KIF24: variants seen among roughly 807,000 people sequenced by gnomAD.
KIF24 encodes kinesin-like protein KIF24.
Under a neutral mutation model 118.9 loss-of-function variants are expected in KIF24, and 81 were observed. The ratio of observed to expected loss-of-function variants is 0.68; its 90% CI spans 0.57 to 0.82. KIF24 has a LOEUF of 0.82. KIF24 is among the 40% of genes least tolerant of loss of function. The pLI is 0.00. For missense variants in KIF24, 1,560 were observed against 1,661.6 expected (o/e 0.94, Z 1.06); for synonymous variants, 599 against 610.0 (o/e 0.98, Z 0.27).
intron 8 of KIF24, among the ~76,000 whole-genome samples, chr9:34,268,407 C>T (rs771671056): frequency 7.9e-5 from 12 of 152,028 alleles, no homozygotes; most frequent in Non-Finnish European, 1.5e-4. Context: ...CCACCTGCCT[C>T]GGCCTCCAAA....
chr9:34,312,732 T>C (rs1837209505), intron 1 of KIF24, among the ~76,000 whole-genome samples: 1 of 152,164 alleles, frequency 6.6e-6, no homozygotes, highest in Non-Finnish European at 1.5e-5. Flanking sequence ...GGAGTTTCAC[T>C]CTGTTGCCCA....
At chr9:34,287,271 GTCC>G (rs1304190503) in intron 5 of KIF24, among the ~76,000 whole-genome samples, 4 of 152,210 alleles carry the variant, frequency 2.6e-5, no homozygotes, top group Non-Finnish European at 5.9e-5. Context: ...AAGCCTGACT[GTCC>G]TCTAAGCTTT....
In KIF24 at chr9:34,319,225, C is replaced by T. The variant is rs148255919; in HGVS notation, c.-25-7854G>A. ...GCCTCATCATCCTCATGCCCCACCA[C>T]GTGGAGCCCCTCGAGGCCTTAAAAA... On this transcript the variant is annotated intron_variant, in intron 1 of 12. Transcript: ENST00000402558. The T allele has an allele frequency of 5.1e-5, 79 of 1,542,024 alleles. No individual in the cohort carries two copies. In the African/African-American group the frequency reaches 7.7e-4, roughly 15 times the overall value.
rs971479003 is a variant in KIF24 at position 34,318,452 on chromosome 9, T to C, written c.-25-7081A>G. 2.7e-6 allele frequency: 2 copies of C among 730,610 alleles called. No individual in the cohort carries two copies. The highest frequency in any genetic ancestry group is 3.4e-5 in the African/African-American group (2 of 58,184). The allele number at this position is 730,610 out of a possible 1,614,324, so 45.3% of individuals were successfully genotyped here. A position where few individuals can be genotyped will look rare whatever the true frequency, so the allele number is the denominator to read the frequency against. Reference sequence around the variant, plus strand: ...CGCCTTCTGCCTCCTGGCGGTGGCCTTGGCGACCGAGGTGAAGAAACCTGC... The same window carrying C: ...CGCCTTCTGCCTCCTGGCGGTGGCCCTGGCGACCGAGGTGAAGAAACCTGC... On this transcript the variant is annotated intron_variant, in intron 1 of 12. Coordinates refer to ENST00000402558, the MANE Select transcript of KIF24 (RefSeq NM_194313.4). The surrounding 1 kb of genome is among the most constrained non-coding windows in gnomAD (Gnocchi z 4.9).
chr9:34,293,540 C>T (rs1442154520), intron 4 of KIF24, among the ~76,000 whole-genome samples: 10 of 149,614 alleles, frequency 6.7e-5, no homozygotes, highest in Admixed American at 6.0e-4. Context: ...TTTGGGAGGC[C>T]GAGGCAGGTG....
rs569127990 is a variant in KIF24, at chr9:34,310,775, C to G, written c.572G>C (p.Arg191Thr). ...LGDCDIPIIQRISHVSGYNYG... is the reference protein window; with the variant it reads ...LGDCDIPIIQTISHVSGYNYG... ...GTTATACCCTGAAACATGAGAGATT[C>G]TTTGAATAATGGGAATATCACAATC... The change falls in exon 2 of 13, where the codon AGA (arginine) becomes ACA (threonine). Residue 191 changes from arginine to threonine, a missense_variant. Transcript: ENST00000402558. 6.2e-7 allele frequency: 1 copy of G among 1,610,946 alleles called. No individual in the cohort carries two copies. Among genetic ancestry groups the G allele is most frequent in the Admixed American group, 1.7e-5 (1 of 59,806 alleles).
chr9:34,287,210 A>G (rs1037254322), intron 5 of KIF24, among the ~76,000 whole-genome samples: 9 of 152,226 alleles, frequency 5.9e-5, no homozygotes, highest in Non-Finnish European at 1.0e-4. Context: ...AGAGATGCAA[A>G]TAAACTGGGT....
chr9:34,292,183 C>T (rs1294832401), intron 4 of KIF24, among the ~76,000 whole-genome samples: 1 of 152,094 alleles, frequency 6.6e-6, no homozygotes, highest in Non-Finnish European at 1.5e-5. Context: ...GTTCACTGGG[C>T]CAGGTGAAAC....
At chr9:34,275,428 C>T (rs1443508313) in intron 6 of KIF24, among the ~76,000 whole-genome samples, 1 of 151,890 alleles carries the variant, frequency 6.6e-6, no homozygotes, top group Non-Finnish European at 1.5e-5. Context: ...TGAGGCCAGG[C>T]CTGGTGGCTT....
intron 1 of KIF24, among the ~76,000 whole-genome samples, chr9:34,317,381 C>G (rs899327943): frequency 6.9e-6 from 1 of 144,472 alleles, no homozygotes; most frequent in Non-Finnish European, 1.6e-5. Context: ...CAGAAGGAGA[C>G]TGTCTTAAAA....
chr9:34,268,327 C>T (rs1835370035), intron 8 of KIF24, among the ~76,000 whole-genome samples: 1 of 151,722 alleles, frequency 6.6e-6, no homozygotes, highest in African/African-American at 2.4e-5. Flanking sequence ...CCATGCCCAA[C>T]TAATTTTTGG....
intron 1 of KIF24, among the ~76,000 whole-genome samples, chr9:34,326,560 T>C (rs1029823695): frequency 6.6e-6 from 1 of 152,164 alleles, no homozygotes; most frequent in Non-Finnish European, 1.5e-5. Context: ...AGGTGAAACC[T>C]GAAATAACAT....
intron 4 of KIF24, among the ~76,000 whole-genome samples, chr9:34,295,845 A>T (rs1435371589): frequency 2.0e-5 from 3 of 152,010 alleles, no homozygotes; most frequent in Non-Finnish European, 4.4e-5. Context: ...GCCCATGCCT[A>T]TATTTTAAAT....
intron 1 of KIF24, among the ~76,000 whole-genome samples, chr9:34,312,666 C>T (rs928973063): frequency 1.3e-5 from 2 of 152,164 alleles, no homozygotes; most frequent in African/African-American, 2.4e-5. Context: ...GGCTGAGTAA[C>T]ACATCCTAAA....
chr9:34,310,796 C>T lies in KIF24; in HGVS notation c.551G>A (p.Cys184Tyr). 6.2e-7 allele frequency: 1 copy of T among 1,611,580 alleles called. No individual in the cohort carries two copies. The highest frequency in any genetic ancestry group is 8.5e-7 in the Non-Finnish European group (1 of 1,177,716). Residue 184 changes from cysteine to tyrosine, a missense_variant, in exon 2 of 13, where the codon TGT becomes TAT. Physicochemically the swap from Cys to Tyr is radical, Grantham distance 194. This residue lies in a region of KIF24 where 964 missense variants were observed against 988.0 expected (regional missense o/e 0.98). Transcript: ENST00000402558. ...GATTCTTTGAATAATGGGAATATCA[C>T]AATCCCCCAGTATTGCAGAAAGGTA... The part of the protein sequence containing the change: ...PNYLSAILGD[C>Y]DIPIIQRISH...
chr9:34,311,698 G>GTGTATATGTATATATATACGTATATA (rs1837161517), intron 1 of KIF24, among the ~76,000 whole-genome samples: 1 of 140,914 alleles, frequency 7.1e-6, no homozygotes, highest in Admixed American at 7.4e-5. Flanking sequence ...ACGTATATAT[G>GTGTATATGTATATATATACGTATATA]TACATATATA....
chr9:34,256,588 G>A lies in KIF24; in HGVS notation c.3019C>T (p.Pro1007Ser), dbSNP rs1834854974. The A allele has an allele frequency of 6.2e-7, 1 of 1,614,002 alleles. No individual in the cohort carries two copies. The highest frequency in any genetic ancestry group is 8.5e-7 in the Non-Finnish European group (1 of 1,179,904). The change falls in exon 11 of 13, where the codon CCT becomes TCT. Residue 1007 changes from proline (P) to serine (S), a missense_variant. Coordinates refer to ENST00000402558, the MANE Select transcript of KIF24 (RefSeq NM_194313.4). ...SPDQRDTVTTPLREVSADGPI... is the reference protein window; with the variant it reads ...SPDQRDTVTTSLREVSADGPI... ...CCGTCTGCACTGACTTCTCTCAGAG[G>A]TGTGGTGACTGTGTCTCTTTGGTCT...
chr9:34,288,874 A>G (rs1836149761), intron 5 of KIF24, among the ~76,000 whole-genome samples: 1 of 151,462 alleles, frequency 6.6e-6, no homozygotes, highest in Non-Finnish European at 1.5e-5. Context: ...ACACACACAC[A>G]CACACACACA....
At chr9:34,320,258 G>A (rs1390588249) in intron 1 of KIF24, among the ~76,000 whole-genome samples, 1 of 151,472 alleles carries the variant, frequency 6.6e-6, no homozygotes, top group Non-Finnish European at 1.5e-5. Context: ...GGAGGGAAGG[G>A]GGAACATAAG....
Sources: allele counts gnomAD v4.1 joint callset (sites outside exome capture counted in the v4.1 genomes callset), GRCh38; gene constraint gnomAD v4.1.1; regional missense constraint gnomAD v4.1.1; non-coding constraint Gnocchi (gnomAD v3.1); transcripts MANE v1.5; gene names NCBI Gene and HGNC (gene_info 2026-07-23, HGNC 2026-07-21).